CRB1: variants seen among roughly 807,000 people sequenced by gnomAD.
CRB1 encodes the protein protein crumbs homolog 1.
A neutral mutation model predicts 120.0 loss-of-function variants in CRB1; 83 were observed. The ratio of observed to expected loss-of-function variants is 0.69; its 90% CI spans 0.58 to 0.83. The LOEUF (loss-of-function observed/expected upper bound fraction) is 0.83, where lower values mean the gene tolerates loss of function less well. Among genes scored for constraint, CRB1 ranks in the 40% least tolerant of loss-of-function variants. CRB1 has a pLI of 0.00. For missense variants in CRB1, 1,699 were observed against 1,687.6 expected, an observed-to-expected ratio of 1.01 and a Z score of -0.12; for synonymous variants, 625 against 612.5, an observed-to-expected ratio of 1.02 and a Z score of -0.30.
chr1:197,427,232 T>C (rs1271854156), intron 6 of CRB1, among the ~76,000 whole-genome samples: 4 of 152,214 alleles, frequency 2.6e-5, no homozygotes, highest in African/African-American at 9.6e-5. Flanking sequence ...AACCAAAATA[T>C]AGTTATTTTA....
In CRB1 at chr1:197,478,013, AC is replaced by A; in HGVS notation, c.*136del. ...TGGAACTACAGGAATGATTCCTTTGACCACCTTAAAAACTTTCACAGTGGTT... is the reference window on the plus strand; with the variant it reads ...TGGAACTACAGGAATGATTCCTTTGACACCTTAAAAACTTTCACAGTGGTT... On this transcript the variant is annotated 3_prime_UTR_variant, in exon 12 of 12. Coordinates refer to ENST00000367400, the MANE Select transcript of CRB1 (RefSeq NM_201253.3). 1 of 941,082 alleles carries A rather than the reference AC, an allele frequency of 1.1e-6. No homozygotes were observed. Among genetic ancestry groups the A allele is most frequent in the Non-Finnish European group, 1.7e-6 (1 of 590,362 alleles). The allele number at this position is 941,082 out of a possible 1,614,324, so 58.3% of individuals were successfully genotyped here.
chr1:197,365,308 G>T (rs2125370906), intron 5 of CRB1, among the ~76,000 whole-genome samples: 1 of 152,264 alleles, frequency 6.6e-6, no homozygotes. Flanking sequence ...GTCTCTGGGG[G>T]TAGAGAGCAT....
intron 4 of CRB1, among the ~76,000 whole-genome samples, chr1:197,349,593 A>G (rs1571881738): frequency 6.6e-6 from 1 of 152,324 alleles, no homozygotes; most frequent in East Asian, 1.9e-4. Context: ...GAGACTAGTC[A>G]ATCTAATCAG....
intron 1 of CRB1, among the ~76,000 whole-genome samples, chr1:197,306,926 T>C (rs565333421): frequency 6.6e-6 from 1 of 152,296 alleles, no homozygotes; most frequent in African/African-American, 2.4e-5. Flanking sequence ...TTGTGTTTCT[T>C]AGCAGCACAC....
intron 1 of CRB1, among the ~76,000 whole-genome samples, chr1:197,316,193 T>C (rs1421220419): frequency 2.0e-5 from 3 of 152,100 alleles, no homozygotes; most frequent in South Asian, 4.2e-4. Flanking sequence ...AGTCAGACTT[T>C]TTTTTTTTTG....
chr1:197,330,207 T>C lies in CRB1; in HGVS notation c.652+1204T>C, dbSNP rs541140664. Among the ~76,000 whole-genome samples the C allele has an allele frequency of 3.6e-4, 55 of 152,354 alleles. No individual in the cohort carries two copies. The South Asian group carries it at 0.011, about 30-fold the overall frequency. ...CAACCAGTCTTCAGAATCTGCTGTT[T>C]TGACATCTAAGATATGTTCCAAATT... On this transcript the variant is annotated intron_variant, in intron 2 of 11. Transcript: ENST00000367400.
intron 11 of CRB1, among the ~76,000 whole-genome samples, chr1:197,453,356 T>A (rs1666065461): frequency 6.8e-6 from 1 of 147,360 alleles, no homozygotes; most frequent in South Asian, 2.1e-4. Context: ...ATAATTAAAT[T>A]AATATACATA....
chr1:197,236,302 C>T, the CRB1 span, among the ~76,000 whole-genome samples: 3 of 149,664 alleles, frequency 2.0e-5, no homozygotes, highest in Non-Finnish European at 4.4e-5. Flanking sequence ...CAGGTTCAAG[C>T]GATTCTCCCG....
chr1:197,285,320 G>T (rs920209057), intron 1 of CRB1, among the ~76,000 whole-genome samples: 1 of 151,738 alleles, frequency 6.6e-6, no homozygotes, highest in African/African-American at 2.4e-5. Context: ...GAGAGATGAT[G>T]GGGACAGAAA....
the CRB1 span, among the ~76,000 whole-genome samples, chr1:197,255,994 T>C: frequency 1.5e-5 from 2 of 133,890 alleles, no homozygotes; most frequent in African/African-American, 2.9e-5. Flanking sequence ...TATATATATA[T>C]ATACACTACA....
intron 6 of CRB1, among the ~76,000 whole-genome samples, chr1:197,424,326 G>A (rs1264637586): frequency 6.6e-6 from 1 of 151,996 alleles, no homozygotes; most frequent in Non-Finnish European, 1.5e-5. Context: ...TGACCTTGTT[G>A]CATTTCTGGA....
intron 1 of CRB1, among the ~76,000 whole-genome samples, chr1:197,295,661 T>C (rs1656475423): frequency 6.6e-6 from 1 of 152,028 alleles, no homozygotes; most frequent in African/African-American, 2.4e-5. Context: ...AGCTGAAATA[T>C]ATTTGAGCAG....
intron 1 of CRB1, among the ~76,000 whole-genome samples, chr1:197,296,637 A>C (rs1276747822): frequency 1.3e-5 from 2 of 152,086 alleles, no homozygotes; most frequent in Non-Finnish European, 2.9e-5. Context: ...TCTGGTAACC[A>C]AGTTGATATG....
chr1:197,238,991 A>T, the CRB1 span, among the ~76,000 whole-genome samples: 2 of 152,104 alleles, frequency 1.3e-5, no homozygotes, highest in African/African-American at 4.8e-5. Flanking sequence ...CTGCGTATTT[A>T]TGTATGGAAC....
intron 11 of CRB1, chr1:197,442,909 G>A: frequency 6.3e-6 from 1 of 158,942 alleles, no homozygotes; most frequent in Non-Finnish European, 1.4e-5. Flanking sequence ...CGGAACACCT[G>A]AGGCCAGGAG....
intron 8 of CRB1, among the ~76,000 whole-genome samples, chr1:197,430,671 T>C (rs1664828637): frequency 1.3e-5 from 2 of 152,170 alleles, no homozygotes; most frequent in African/African-American, 4.8e-5. Context: ...CAACTTGGCT[T>C]TATTTTTATT....
At chr1:197,323,269 T>C (rs1658308779) in intron 1 of CRB1, among the ~76,000 whole-genome samples, 1 of 152,186 alleles carries the variant, frequency 6.6e-6, no homozygotes, top group African/African-American at 2.4e-5. Context: ...AGTAGAGATA[T>C]TAAAACTTTT....
intron 1 of CRB1, among the ~76,000 whole-genome samples, chr1:197,282,553 T>C (rs1487353625): frequency 6.6e-6 from 1 of 151,894 alleles, no homozygotes; most frequent in African/African-American, 2.4e-5. Flanking sequence ...TAATAAAATG[T>C]TTGAAACATA....
intron 11 of CRB1, among the ~76,000 whole-genome samples, chr1:197,462,775 G>C (rs903995708): frequency 6.6e-6 from 1 of 152,130 alleles, no homozygotes; most frequent in African/African-American, 2.4e-5. Flanking sequence ...TGCTGATGGA[G>C]TGAAAATACA....
Sources: allele counts gnomAD v4.1 joint callset (sites outside exome capture counted in the v4.1 genomes callset), GRCh38; gene constraint gnomAD v4.1.1; transcripts MANE v1.5; gene names NCBI Gene and HGNC (gene_info 2026-07-23, HGNC 2026-07-21).